KIF13B: variants seen among roughly 807,000 people sequenced by gnomAD.
The protein encoded by KIF13B is kinesin family member 13B.
KIF13B carries 127 observed loss-of-function variants against 222.0 expected under a neutral mutation model. That is an observed-to-expected ratio of 0.57 (90% CI 0.50 to 0.66). The LOEUF (loss-of-function observed/expected upper bound fraction) is 0.66. Among genes scored for constraint, KIF13B ranks in the 30% least tolerant of loss-of-function variants. The probability of loss-of-function intolerance (pLI) is 0.00; values close to 1 mark genes in which losing one functional copy is unlikely to be tolerated. For missense variants in KIF13B, 2,173 were observed against 2,379.0 expected, an observed-to-expected ratio of 0.91 and a Z score of 1.80; for synonymous variants, 976 against 919.0, an observed-to-expected ratio of 1.06 and a Z score of -1.12.
chr8:29,248,309 G>A (rs1482216954), intron 1 of KIF13B, among the ~76,000 whole-genome samples: 2 of 152,160 alleles, frequency 1.3e-5, no homozygotes, highest in African/African-American at 4.8e-5. Context: ...TGACCAATGG[G>A]TAAATGTGGC....
intron 37 of KIF13B, among the ~76,000 whole-genome samples, chr8:29,086,317 A>G (rs1378242455): frequency 6.6e-6 from 1 of 152,198 alleles, no homozygotes; most frequent in East Asian, 1.9e-4. Context: ...GAATAAAAAC[A>G]TATGTGGGTG....
At chr8:29,212,875 C>T (rs1388392906) in intron 2 of KIF13B, among the ~76,000 whole-genome samples, 3 of 149,982 alleles carry the variant, frequency 2.0e-5, no homozygotes, top group East Asian at 1.9e-4. Context: ...CTAAAGTAAT[C>T]GTTATTCCTT....
chr8:29,208,157 TA>T (rs1367568885), intron 2 of KIF13B, among the ~76,000 whole-genome samples: 1 of 152,176 alleles, frequency 6.6e-6, no homozygotes, highest in African/African-American at 2.4e-5. Flanking sequence ...AAGCTTTAAA[TA>T]AAAATTGGTT....
intron 2 of KIF13B, among the ~76,000 whole-genome samples, chr8:29,209,243 G>A (rs961343968): frequency 6.6e-6 from 1 of 152,174 alleles, no homozygotes; most frequent in African/African-American, 2.4e-5. Context: ...GATAGAGAAG[G>A]CGCCATGGGC....
At chr8:29,116,486 A>G (rs1055360975) in intron 31 of KIF13B, among the ~76,000 whole-genome samples, 1 of 152,172 alleles carries the variant, frequency 6.6e-6, no homozygotes, top group Non-Finnish European at 1.5e-5. Flanking sequence ...AAAGTCTGGA[A>G]AGAGCAGAGT....
intron 15 of KIF13B, 63 bp from the exon 16 acceptor site, chr8:29,148,830 T>C (rs994423459): frequency 7.5e-7 from 1 of 1,337,408 alleles, no homozygotes; most frequent in East Asian, 2.4e-5. Context: ...TGTCATTCAT[T>C]AAGTACTGGT....
At chr8:29,086,012 T>C (rs1207593632) in intron 37 of KIF13B, among the ~76,000 whole-genome samples, 1 of 152,184 alleles carries the variant, frequency 6.6e-6, no homozygotes, top group Non-Finnish European at 1.5e-5. Flanking sequence ...TTGGTGCTGG[T>C]ATCCCTTGAA....
chr8:29,127,411 C>T, intron 24 of KIF13B, 143 bp from the exon 25 acceptor site: 1 of 575,340 alleles, frequency 1.7e-6, no homozygotes, highest in Non-Finnish European at 2.8e-6. Flanking sequence ...CATTAAAATA[C>T]AAATTTAAAA....
intron 37 of KIF13B, among the ~76,000 whole-genome samples, chr8:29,087,201 G>A (rs1331477153): frequency 1.3e-5 from 2 of 152,204 alleles, no homozygotes; most frequent in African/African-American, 4.8e-5. Flanking sequence ...GTGTGGAGTG[G>A]AGAAGGTAGT....
chr8:29,231,104 T>G (rs1815265284), intron 2 of KIF13B, among the ~76,000 whole-genome samples: 1 of 152,092 alleles, frequency 6.6e-6, no homozygotes, highest in South Asian at 2.1e-4. Flanking sequence ...GTTCTTGAAC[T>G]CCTGGGCTCA....
At chr8:29,219,485 C>G (rs1171847391) in intron 2 of KIF13B, 1 of 152,118 alleles carries the variant, frequency 6.6e-6, no homozygotes, top group East Asian at 1.9e-4. Flanking sequence ...GGGTCAGGCA[C>G]GGTGCCTCAT....
intron 12 of KIF13B, among the ~76,000 whole-genome samples, chr8:29,164,638 T>C (rs528147844): frequency 4.6e-5 from 7 of 152,298 alleles, no homozygotes; most frequent in Admixed American, 3.9e-4. Flanking sequence ...AAAAGACTGA[T>C]TCAATCGCTA....
chr8:29,203,892 CAAAAAAAAA>C (rs11432771), intron 2 of KIF13B, among the ~76,000 whole-genome samples: 6 of 66,190 alleles, frequency 9.1e-5, no homozygotes, highest in African/African-American at 3.9e-4. Flanking sequence ...AGTTCCGTCT[CAAAAAAAAA>C]AAAAAAAAAA....
intron 31 of KIF13B, among the ~76,000 whole-genome samples, chr8:29,114,322 T>A (rs972580253): frequency 2.6e-5 from 4 of 152,226 alleles, no homozygotes; most frequent in Admixed American, 2.6e-4. Flanking sequence ...ATACATCATT[T>A]CACAAACCTA....
intron 2 of KIF13B, among the ~76,000 whole-genome samples, chr8:29,236,835 C>T (rs1815530761): frequency 6.6e-6 from 1 of 152,122 alleles, no homozygotes; most frequent in Non-Finnish European, 1.5e-5. Context: ...CAAAATTAAA[C>T]AATCAAATCA....
chr8:29,114,036 G>A (rs1809481168), intron 31 of KIF13B, among the ~76,000 whole-genome samples: 2 of 152,194 alleles, frequency 1.3e-5, no homozygotes, highest in African/African-American at 2.4e-5. Context: ...TGATTTAAGA[G>A]TGCACGGTCA....
At chr8:29,077,844 C>A (rs1452167698) in intron 37 of KIF13B, among the ~76,000 whole-genome samples, 3 of 152,104 alleles carry the variant, frequency 2.0e-5, no homozygotes, top group African/African-American at 7.2e-5. Flanking sequence ...TCCTACCATG[C>A]GGGGGGCGTG....
chr8:29,243,956 T>G (rs757260559), intron 2 of KIF13B, among the ~76,000 whole-genome samples: 3 of 152,194 alleles, frequency 2.0e-5, no homozygotes, highest in Non-Finnish European at 4.4e-5. Context: ...TAAAAATAAC[T>G]CACTATGATA....
At chr8:29,194,935 C>A (rs1813350095) in intron 3 of KIF13B, among the ~76,000 whole-genome samples, 2 of 152,040 alleles carry the variant, frequency 1.3e-5, no homozygotes, top group Non-Finnish European at 2.9e-5. Flanking sequence ...ACTGCAACCT[C>A]CAGCCTCTGC....
Sources: gnomAD v4.1 joint callset for allele counts (sites outside exome capture counted in the v4.1 genomes callset) on GRCh38, gnomAD v4.1.1 for gene constraint, MANE v1.5 for transcripts, NCBI Gene and HGNC (gene_info 2026-07-23, HGNC 2026-07-21) for gene names.